STUM: variants seen among roughly 807,000 people sequenced by gnomAD.
The protein encoded by STUM is protein stum homolog.
A neutral mutation model predicts 15.3 loss-of-function variants in STUM; 8 were observed. The ratio of observed to expected loss-of-function variants is 0.52; its 90% CI spans 0.31 to 0.94. The LOEUF is 0.94. Ranked by LOEUF, STUM falls within the 40% of genes least tolerant of loss-of-function variation. STUM has a pLI of 0.05. For synonymous variants in STUM, 78 were observed against 88.7 expected, an observed-to-expected ratio of 0.88 and a Z score of 0.68; for missense variants, 142 against 204.9, an observed-to-expected ratio of 0.69 and a Z score of 1.87.
At position 226,555,485 on chromosome 1, in the gene STUM, A is replaced by G. The variant is rs188464399; in HGVS notation, c.202+6379A>G. Among the ~76,000 whole-genome samples, 54 of 138,804 alleles carry G rather than the reference A, an allele frequency of 3.9e-4. No individual in the cohort carries two copies. In the East Asian group the frequency reaches 9.2e-3, roughly 24 times the overall value. 91.1% of individuals were successfully genotyped at this position (138,804 alleles called of 152,430 possible). On this transcript the variant is annotated intron_variant, in intron 1 of 3. Transcript: ENST00000366788. Reference sequence around the variant, plus strand: ...CGACCTCCCAGTGGCTCAGGCCAAAAACTGAGACTCAACTTTGACTCTTTT... The same window carrying G: ...CGACCTCCCAGTGGCTCAGGCCAAAGACTGAGACTCAACTTTGACTCTTTT...
In STUM at chr1:226,600,045, A is replaced by G. The variant is rs1294139600; in HGVS notation, c.383-621A>G. 1.3e-5 allele frequency among the ~76,000 whole-genome samples: 2 copies of G among 152,140 alleles called. No homozygotes were observed. Among genetic ancestry groups the G allele is most frequent in the Admixed American group, 6.5e-5 (1 of 15,282 alleles). On this transcript the variant is annotated intron_variant, in intron 2 of 3. Coordinates refer to ENST00000366788, the MANE Select transcript of STUM (RefSeq NM_001003665.4). The surrounding 1 kb of genome is among the most constrained non-coding windows in gnomAD (Gnocchi z 5.2). ...TGGGGCCAGGATGGGGCACATCAGC[A>G]TCTTTAGATTGCTGTAGTCAAAGCT...
chr1:226,559,808 C>T (rs993190032), intron 1 of STUM, among the ~76,000 whole-genome samples: 3 of 152,148 alleles, frequency 2.0e-5, no homozygotes, highest in Admixed American at 6.5e-5. Context: ...CCCGTCTCTA[C>T]TAAAAATACA....
At chr1:226,568,339 T>G (rs1667654836) in intron 1 of STUM, among the ~76,000 whole-genome samples, 1 of 152,150 alleles carries the variant, frequency 6.6e-6, no homozygotes, top group African/African-American at 2.4e-5. Flanking sequence ...CCGTCAACCC[T>G]AGGCGGGGTG....
chr1:226,593,389 C>T (rs1055488123), intron 1 of STUM, among the ~76,000 whole-genome samples: 1 of 151,988 alleles, frequency 6.6e-6, no homozygotes, highest in African/African-American at 2.4e-5. Context: ...TTCCCCTTGT[C>T]ACCACCCTGC....
intron 1 of STUM, among the ~76,000 whole-genome samples, chr1:226,588,514 G>C (rs1228104240): frequency 6.6e-6 from 1 of 152,234 alleles, no homozygotes; most frequent in Non-Finnish European, 1.5e-5. Context: ...GCTTTCTGCA[G>C]CCTCCTCTGG....
intron 1 of STUM, among the ~76,000 whole-genome samples, chr1:226,588,075 G>A (rs1668024319): frequency 6.6e-6 from 1 of 152,192 alleles, no homozygotes; most frequent in Non-Finnish European, 1.5e-5. Context: ...GTGTGTGGAT[G>A]TTCAGGATGA....
At chr1:226,566,458 T>TA (rs1667627808) in intron 1 of STUM, among the ~76,000 whole-genome samples, 1 of 152,202 alleles carries the variant, frequency 6.6e-6, no homozygotes, top group African/African-American at 2.4e-5. Flanking sequence ...ATGCAACTGC[T>TA]AAAAACCTAT....
chr1:226,594,953 G>A (rs1668155568), intron 1 of STUM, among the ~76,000 whole-genome samples: 1 of 152,214 alleles, frequency 6.6e-6, no homozygotes, highest in Non-Finnish European at 1.5e-5. Flanking sequence ...ACTGCGCCGA[G>A]CCCTGGAAGG....
At chr1:226,587,305 A>G (rs1458143468) in intron 1 of STUM, among the ~76,000 whole-genome samples, 1 of 152,120 alleles carries the variant, frequency 6.6e-6, no homozygotes, top group Non-Finnish European at 1.5e-5. Context: ...GGGATGGAGG[A>G]GGGAGCTGGT....
chr1:226,595,360 G>T (rs1225381199), intron 1 of STUM, among the ~76,000 whole-genome samples: 1 of 152,022 alleles, frequency 6.6e-6, no homozygotes, highest in Non-Finnish European at 1.5e-5. Flanking sequence ...TCCTCTCTCG[G>T]TCCACTGGCT....
chr1:226,555,257 G>A (rs889563302), intron 1 of STUM, among the ~76,000 whole-genome samples: 8 of 152,062 alleles, frequency 5.3e-5, no homozygotes, highest in Non-Finnish European at 1.2e-4. Flanking sequence ...GCTTTCAATC[G>A]CATTTTTATG....
intron 1 of STUM, among the ~76,000 whole-genome samples, chr1:226,551,413 C>T (rs1413983455): frequency 6.6e-6 from 1 of 152,184 alleles, no homozygotes; most frequent in African/African-American, 2.4e-5. Context: ...CTTTTGATCC[C>T]TCTGCTCCCC....
At chr1:226,585,220 G>C (rs1044987615) in intron 1 of STUM, among the ~76,000 whole-genome samples, 15 of 152,298 alleles carry the variant, frequency 9.8e-5, no homozygotes, top group African/African-American at 3.1e-4. Context: ...ACAAGTCAAC[G>C]TGAGAGCAGG....
At chr1:226,556,848 T>C (rs909784104) in intron 1 of STUM, among the ~76,000 whole-genome samples, 14 of 152,248 alleles carry the variant, frequency 9.2e-5, no homozygotes, top group African/African-American at 3.4e-4. Flanking sequence ...TTTTAAATTG[T>C]AAATTGACAA....
intron 1 of STUM, among the ~76,000 whole-genome samples, chr1:226,594,210 G>C (rs750002898): frequency 6.6e-6 from 1 of 152,132 alleles, no homozygotes; most frequent in Admixed American, 6.5e-5. Context: ...AACTGTAGGA[G>C]CCAGCGAGTT....
intron 1 of STUM, among the ~76,000 whole-genome samples, chr1:226,569,732 C>A (rs1339434308): frequency 6.6e-6 from 1 of 152,148 alleles, no homozygotes; most frequent in East Asian, 1.9e-4. Context: ...GATTGAGGGA[C>A]AAGAGGGAGA....
chr1:226,587,845 G>A (rs910333613), intron 1 of STUM, among the ~76,000 whole-genome samples: 4 of 152,060 alleles, frequency 2.6e-5, no homozygotes, highest in East Asian at 1.9e-4. Context: ...TTGATCAAAG[G>A]TGGGTTATTG....
intron 1 of STUM, among the ~76,000 whole-genome samples, chr1:226,582,587 T>C (rs1284143983): frequency 2.9e-5 from 3 of 103,760 alleles, no homozygotes; most frequent in Admixed American, 1.1e-4. Flanking sequence ...AAGAGCAACA[T>C]GCCATCTCAA....
At chr1:226,563,014 C>CA (rs1446421643) in intron 1 of STUM, among the ~76,000 whole-genome samples, 1 of 152,014 alleles carries the variant, frequency 6.6e-6, no homozygotes, top group Admixed American at 6.6e-5. Flanking sequence ...CAGAAAGAAA[C>CA]AAATAAGAAT....
Sources: allele counts gnomAD v4.1 joint callset (sites outside exome capture counted in the v4.1 genomes callset), GRCh38; gene constraint gnomAD v4.1.1; non-coding constraint Gnocchi (gnomAD v3.1); transcripts MANE v1.5; gene names NCBI Gene and HGNC (gene_info 2026-07-23, HGNC 2026-07-21).